The following GGTA1 variants were observed in gnomAD, a reference collection of about 807,000 sequenced individuals.
The protein encoded by GGTA1 is inactive N-acetyllactosaminide alpha-1,3-galactosyltransferase.
Under a neutral mutation model 2.6 loss-of-function variants are expected in GGTA1, and 5 were observed. The observed-to-expected ratio is 1.92, with a 90% confidence interval of 1.00 to 4.04. GGTA1 has a LOEUF of 4.04. Ranked by LOEUF, GGTA1 falls within the 30% of genes most tolerant of loss-of-function variation. The pLI is 0.00. For missense variants in GGTA1, 50 were observed against 16.7 expected (o/e 2.99, Z -3.47); for synonymous variants, 17 against 5.0 (o/e 3.38, Z -3.19).
chr9:121,487,995 T>C (rs7032320), intron 1 of GGTA1, among the ~76,000 whole-genome samples: 151,251 of 152,282 alleles, frequency 0.99, 75,116 homozygotes, highest in East Asian at 1. Flanking sequence ...GGATTACAGG[T>C]GTGAGCCACC....
At chr9:121,470,239 A>G (rs1259537364) in intron 1 of GGTA1, among the ~76,000 whole-genome samples, 2 of 152,250 alleles carry the variant, frequency 1.3e-5, no homozygotes, top group Non-Finnish European at 2.9e-5. Context: ...ATTAATCAAA[A>G]TATACCTTGG....
At chr9:121,485,188 C>T (rs758784882) in intron 1 of GGTA1, among the ~76,000 whole-genome samples, 5 of 152,212 alleles carry the variant, frequency 3.3e-5, no homozygotes, top group Non-Finnish European at 7.3e-5. Context: ...GGGCAGCCAA[C>T]GGGTCTGCCT....
chr9:121,489,211 T>TA (rs1203754050), intron 1 of GGTA1, among the ~76,000 whole-genome samples: 1 of 152,096 alleles, frequency 6.6e-6, no homozygotes, highest in Non-Finnish European at 1.5e-5. Flanking sequence ...TTTATATATA[T>TA]TTTTTTGAGA....
At chr9:121,492,005 T>TTTACTG (rs1368168679) in intron 1 of GGTA1, among the ~76,000 whole-genome samples, 11 of 152,300 alleles carry the variant, frequency 7.2e-5, no homozygotes, top group African/African-American at 2.4e-4. Flanking sequence ...GCCCAGGACC[T>TTTACTG]AGTAGGTGCT....
At chr9:121,474,354 G>T (rs1254405987) in intron 1 of GGTA1, among the ~76,000 whole-genome samples, 1 of 152,174 alleles carries the variant, frequency 6.6e-6, no homozygotes, top group Non-Finnish European at 1.5e-5. Flanking sequence ...CTTCCCAAAT[G>T]CAAGCACTCT....
chr9:121,486,064 T>G lies in GGTA1; in HGVS notation c.-10+13586A>C, dbSNP rs534275945. 2.6e-5 allele frequency among the ~76,000 whole-genome samples: 4 copies of G among 152,340 alleles called. No individual in the cohort carries two copies. The South Asian group carries it at 8.3e-4, about 32-fold the overall frequency. On this transcript the variant is annotated intron_variant, in intron 1 of 5. Coordinates refer to ENST00000481799, the MANE Select transcript of GGTA1 (RefSeq NM_001382585.1). Reference sequence around the variant, plus strand: ...TTTAGGTGGAAACTTCTAGGCTCTTTTCCCCTCTGATAATTGTATTCCAGT... The same window carrying G: ...TTTAGGTGGAAACTTCTAGGCTCTTGTCCCCTCTGATAATTGTATTCCAGT...
chr9:121,467,556 T>C lies in GGTA1; in HGVS notation c.80+287A>G, dbSNP rs941797019. On this transcript the variant is annotated intron_variant, in intron 2 of 5. Coordinates refer to ENST00000481799, the MANE Select transcript of GGTA1 (RefSeq NM_001382585.1). ...ATTATCCAAGTTATTTAAAATTACA[T>C]TGGGCCTAATTTGATCTCATTTTCT... Among the ~76,000 whole-genome samples the C allele has an allele frequency of 6.6e-5, 10 of 152,366 alleles. No homozygotes were observed. In the East Asian group the frequency reaches 1.7e-3, roughly 26 times the overall value.
intron 1 of GGTA1, among the ~76,000 whole-genome samples, chr9:121,489,193 T>A (rs2118761763): frequency 6.6e-6 from 1 of 152,300 alleles, no homozygotes; most frequent in South Asian, 2.1e-4. Context: ...CTAATTACTT[T>A]ATTATATTTT....
At chr9:121,459,696 C>G (rs972975719) in intron 5 of GGTA1, among the ~76,000 whole-genome samples, 2 of 152,176 alleles carry the variant, frequency 1.3e-5, no homozygotes, top group African/African-American at 2.4e-5. Context: ...ACCAGTCTCT[C>G]AGGTCTCAAA....
chr9:121,480,061 C>CTTTT lies in GGTA1; in HGVS notation c.-9-12134_-9-12131dup, dbSNP rs532547013. ...TTTCTTTCTTTTTTTCTTTTCTTTT[C>CTTTT]TTTTTTTTTTTTGAGATGGAGTCTC... On this transcript the variant is annotated intron_variant, in intron 1 of 5. Coordinates refer to ENST00000481799, the MANE Select transcript of GGTA1 (RefSeq NM_001382585.1). 9.3e-5 allele frequency among the ~76,000 whole-genome samples: 13 copies of CTTTT among 139,856 alleles called. No homozygotes were observed. In the South Asian group the frequency reaches 1.3e-3, roughly 14 times the overall value. The allele number at this position is 139,856 out of a possible 152,430, so 91.8% of individuals were successfully genotyped here. A position where few individuals can be genotyped will look rare whatever the true frequency, so the allele number is the denominator to read the frequency against.
At chr9:121,484,727 T>C (rs1253343474) in intron 1 of GGTA1, among the ~76,000 whole-genome samples, 2 of 152,232 alleles carry the variant, frequency 1.3e-5, no homozygotes, top group Admixed American at 6.5e-5. Context: ...ACTTTCCTTA[T>C]TTAATACAAG....
intron 1 of GGTA1, among the ~76,000 whole-genome samples, chr9:121,471,424 G>C (rs1255328176): frequency 6.6e-6 from 1 of 152,202 alleles, no homozygotes; most frequent in Non-Finnish European, 1.5e-5. Flanking sequence ...TTTGCTGAGT[G>C]AATGAAATCA....
In GGTA1 at chr9:121,460,253, A is replaced by G. The variant is rs547059224; in HGVS notation, c.183-34T>C. ...AAAGGGAAAGTAAACCAGGTAAGGC[A>G]GGGAAGGTGATTGCGGTGGTCAGAG... On this transcript the variant is annotated intron_variant, in intron 4 of 5. Coordinates refer to ENST00000481799, the MANE Select transcript of GGTA1 (RefSeq NM_001382585.1). 83 of 456,952 alleles carry G rather than the reference A, an allele frequency of 1.8e-4. 1 individual carries two copies. Among genetic ancestry groups the G allele is most frequent in the South Asian group, 1.2e-3 (79 of 64,508 alleles). 28.3% of individuals were successfully genotyped at this position (456,952 alleles called of 1,614,324 possible).
At chr9:121,452,817 C>A (rs2064885234), downstream of GGTA1, among the ~76,000 whole-genome samples, 7 of 152,220 alleles carry the variant, frequency 4.6e-5, no homozygotes, top group Admixed American at 4.6e-4. Flanking sequence ...CTGGGCCTAG[C>A]CCTCTCAGGG....
intron 1 of GGTA1, among the ~76,000 whole-genome samples, chr9:121,495,357 A>G (rs1173487629): frequency 1.3e-5 from 2 of 151,914 alleles, no homozygotes; most frequent in East Asian, 2.0e-4. Context: ...ACCAGCCTGG[A>G]CAACACGGTG....
At chr9:121,464,436 C>T (rs2064987373) in intron 2 of GGTA1, among the ~76,000 whole-genome samples, 1 of 148,458 alleles carries the variant, frequency 6.7e-6, no homozygotes, top group Non-Finnish European at 1.5e-5. Flanking sequence ...AAGCAATTCT[C>T]CTGCCTAAGC....
At chr9:121,487,712 G>A (rs993893806) in intron 1 of GGTA1, among the ~76,000 whole-genome samples, 22 of 152,188 alleles carry the variant, frequency 1.4e-4, no homozygotes, top group African/African-American at 5.3e-4. Flanking sequence ...TCTTTACAAG[G>A]TATAGACTTT....
At chr9:121,452,418 C>A (rs1392931148), downstream of GGTA1, 3 of 152,594 alleles carry the variant, frequency 2.0e-5, no homozygotes, top group African/African-American at 4.8e-5. Context: ...ACGCCAAACA[C>A]TTGGCTGGGA....
intron 5 of GGTA1, among the ~76,000 whole-genome samples, chr9:121,456,088 A>AC (rs758876405): frequency 6.6e-6 from 1 of 151,536 alleles, no homozygotes; most frequent in African/African-American, 2.4e-5. Flanking sequence ...AACCCACAAA[A>AC]CCCCCCAAAA....
Sources: gnomAD v4.1 joint callset for allele counts (sites outside exome capture counted in the v4.1 genomes callset) on GRCh38, gnomAD v4.1.1 for gene constraint, MANE v1.5 for transcripts, NCBI Gene and HGNC (gene_info 2026-07-23, HGNC 2026-07-21) for gene names.